NKTR: variants seen among roughly 807,000 people sequenced by gnomAD.
The protein encoded by NKTR is natural killer cell triggering receptor.
A neutral mutation model predicts 156.3 loss-of-function variants in NKTR; 67 were observed. The observed-to-expected ratio is 0.43, with a 90% CI of 0.35 to 0.53. NKTR has a LOEUF of 0.53. NKTR is among the 20% of genes least tolerant of loss of function. The pLI is 0.01. For missense variants in NKTR, 1,604 were observed against 1,730.9 expected, an observed-to-expected ratio of 0.93 and a Z score of 1.30; for synonymous variants, 640 against 596.6, an observed-to-expected ratio of 1.07 and a Z score of -1.06.
intron 2 of NKTR, among the ~76,000 whole-genome samples, chr3:42,607,141 C>A (rs1029619037): frequency 1.3e-5 from 2 of 152,212 alleles, no homozygotes; most frequent in Admixed American, 1.3e-4. Flanking sequence ...TTCTGTCACA[C>A]AGCACTCAGA....
chr3:42,617,878 T>C (rs897389116), intron 3 of NKTR, among the ~76,000 whole-genome samples: 26 of 152,152 alleles, frequency 1.7e-4, no homozygotes, highest in African/African-American at 6.0e-4. Flanking sequence ...ATCTACGTTA[T>C]ATAATGGAAT....
chr3:42,624,318 ATG>A (rs963544052), intron 6 of NKTR, among the ~76,000 whole-genome samples: 7 of 151,982 alleles, frequency 4.6e-5, no homozygotes, highest in African/African-American at 1.7e-4. Flanking sequence ...GAAGTGATAT[ATG>A]GCACTATACC....
At chr3:42,603,946 C>G (rs1705898037) in intron 2 of NKTR, among the ~76,000 whole-genome samples, 1 of 152,072 alleles carries the variant, frequency 6.6e-6, no homozygotes, top group Non-Finnish European at 1.5e-5. Flanking sequence ...TCATGTTGGC[C>G]AGGCTGGTCT....
chr3:42,620,059 T>C (rs1053764927), intron 5 of NKTR: 1 of 1,534,212 alleles, frequency 6.5e-7, no homozygotes, highest in Non-Finnish European at 8.7e-7. Context: ...AGAACGAAGC[T>C]CAGTAACACA....
At position 42,639,087 on chromosome 3, in the gene NKTR, A is replaced by G. The variant is rs943450177; in HGVS notation, c.3383A>G (p.Asn1128Ser). The change falls in exon 13 of 17, where the codon AAC becomes AGC. Residue 1128 changes from asparagine (N) to serine (S), a missense_variant. This residue lies in a region of NKTR where 1,255 missense variants were observed against 1,243.7 expected (regional missense o/e 1.01). Transcript: ENST00000232978. ...GVEDVLQTDD[N>S]MEICTPDRSS... ...GAAGATGTGCTTCAAACAGATGACA[A>G]CATGGAGATCTGCACTCCTGATAGG... 7 of 1,614,056 alleles carry G rather than the reference A, an allele frequency of 4.3e-6. No homozygotes were observed. The Admixed American group carries it at 5.0e-5, about 12-fold the overall frequency.
intron 6 of NKTR, chr3:42,630,098 T>C: frequency 1.0e-6 from 1 of 987,564 alleles, no homozygotes; most frequent in South Asian, 4.7e-5. Context: ...AGAAAACATT[T>C]AAGTGTTTGG....
At position 42,638,292 on chromosome 3, in the gene NKTR, A is replaced by G. The variant is rs1709594533; in HGVS notation, c.2588A>G (p.Glu863Gly). 1.2e-6 allele frequency: 2 copies of G among 1,606,138 alleles called. No homozygotes were observed. Among genetic ancestry groups the G allele is most frequent in the Non-Finnish European group, 1.7e-6 (2 of 1,178,128 alleles). The part of the protein sequence containing the change: ...CPHSKKRTLK[E>G]NLSDHLRNGS... ...CATTCAAAAAAAAGAACTTTGAAAG[A>G]GAATCTTTCTGATCACCTTAGAAAT... Residue 863 changes from glutamate to glycine, a missense_variant, in exon 13 of 17, where the codon GAG (glutamate) becomes GGG (glycine). Around this residue, in one of 6 missense-constraint regions of NKTR, gnomAD observed 1,255 missense variants for 1,243.7 expected, o/e 1.01. Coordinates refer to ENST00000232978, the MANE Select transcript of NKTR (RefSeq NM_005385.4).
At position 42,607,969 on chromosome 3, in the gene NKTR, C is replaced by CTTTTTTTTTTTTTTTTTTTTTTT. The variant is rs201803926; in HGVS notation, c.58+6926_58+6948dup. 1.6e-4 allele frequency among the ~76,000 whole-genome samples: 12 copies of CTTTTTTTTTTTTTTTTTTTTTTT among 74,966 alleles called. 3 individuals carry two copies. Among genetic ancestry groups the CTTTTTTTTTTTTTTTTTTTTTTT allele is most frequent in the East Asian group, 3.0e-4 (1 of 3,378 alleles). 49.2% of individuals were successfully genotyped at this position (74,966 alleles called of 152,430 possible). On this transcript the variant is annotated intron_variant, in intron 2 of 16. Coordinates refer to ENST00000232978, the MANE Select transcript of NKTR (RefSeq NM_005385.4). ...TGCCAATCGCAAGTCCTGAGTCGCT[C>CTTTTTTTTTTTTTTTTTTTTTTT]TTTTTTTTTTTTTTTTTTTTTTTTT...
chr3:42,634,747 T>G, intron 11 of NKTR, 47 bp downstream of exon 11: 1 of 995,074 alleles, frequency 1.0e-6, no homozygotes, highest in East Asian at 2.6e-5. Context: ...TAATAAAAAA[T>G]TTTTACCTAT....
chr3:42,617,613 A>G lies in NKTR; in HGVS notation c.102A>G (p.Lys34=). The change falls in exon 3 of 17, where the codon AAA becomes AAG. Residue 34 remains lysine, a synonymous_variant. Coordinates refer to ENST00000232978, the MANE Select transcript of NKTR (RefSeq NM_005385.4). ...AGCTCTTCTCAGACATATGTCCAAA[A>G]ACATGCAAAAACTTCCTTTGCTTGT... ...MFQLFSDICP[K]TCKNFLCLCS... 6.2e-7 allele frequency: 1 copy of G among 1,603,428 alleles called. No homozygotes were observed. The highest frequency in any genetic ancestry group is 8.5e-7 in the Non-Finnish European group (1 of 1,170,526).
At chr3:42,606,834 A>G (rs1559549579) in intron 2 of NKTR, among the ~76,000 whole-genome samples, 1 of 151,926 alleles carries the variant, frequency 6.6e-6, no homozygotes, top group Non-Finnish European at 1.5e-5. Context: ...CAACATAGTG[A>G]GACACTATCC....
intron 6 of NKTR, chr3:42,627,557 T>A (rs1318591178): frequency 1.0e-6 from 1 of 984,122 alleles, no homozygotes; most frequent in African/African-American, 1.7e-5. Context: ...GGTATAAAAC[T>A]ATAGATTGTT....
At chr3:42,633,871 T>G in intron 10 of NKTR, 136 bp downstream of exon 10, 1 of 894,774 alleles carries the variant, frequency 1.1e-6, no homozygotes, top group Non-Finnish European at 1.7e-6. Context: ...AGTATTAGAT[T>G]AATGAATGAT....
intron 2 of NKTR, among the ~76,000 whole-genome samples, chr3:42,612,559 TTGTAA>T (rs1348775171): frequency 6.6e-6 from 1 of 152,212 alleles, no homozygotes; most frequent in Non-Finnish European, 1.5e-5. Flanking sequence ...AGGTTTAATT[TTGTAA>T]TGTAATATAT....
chr3:42,627,580 G>A, intron 6 of NKTR: 3 of 985,144 alleles, frequency 3.0e-6, no homozygotes, highest in Non-Finnish European at 3.6e-6. Flanking sequence ...TGGAGTAGCA[G>A]TGACACTTGT....
chr3:42,631,072 C>G, intron 7 of NKTR, 99 bp from the exon 8 acceptor site: 1 of 1,487,644 alleles, frequency 6.7e-7, no homozygotes, highest in East Asian at 2.3e-5. Flanking sequence ...GTTTTATTTT[C>G]AGGTCTGTGG....
At chr3:42,629,505 G>A in intron 6 of NKTR, 2 of 979,504 alleles carry the variant, frequency 2.0e-6, no homozygotes, top group Non-Finnish European at 2.4e-6. Context: ...TCACTTACAT[G>A]TCTTAAAATT....
intron 2 of NKTR, 140 bp downstream of exon 2, chr3:42,601,204 A>C: frequency 3.2e-6 from 2 of 634,086 alleles, no homozygotes; most frequent in Non-Finnish European, 2.6e-6. Context: ...TCTTGAGAGA[A>C]AATCAGTGGG....
intron 6 of NKTR, chr3:42,627,665 T>G: frequency 4.1e-6 from 4 of 984,162 alleles, no homozygotes; most frequent in Non-Finnish European, 4.8e-6. Flanking sequence ...TCGGGAAAAC[T>G]GAAAAATCAC....
Sources: allele counts gnomAD v4.1 joint callset (sites outside exome capture counted in the v4.1 genomes callset), GRCh38; gene constraint gnomAD v4.1.1; regional missense constraint gnomAD v4.1.1; transcripts MANE v1.5; gene names NCBI Gene and HGNC (gene_info 2026-07-23, HGNC 2026-07-21).